Variants in IFFO2 observed in about 807,000 individuals in gnomAD.
IFFO2 encodes intermediate filament family orphan 2.
In IFFO2, 19 loss-of-function variants were observed where a neutral mutation model predicts 53.5. The ratio of observed to expected loss-of-function variants is 0.36; its 90% CI spans 0.25 to 0.52. The LOEUF is 0.52. IFFO2 is among the 20% of genes least tolerant of loss of function. The probability of loss-of-function intolerance (pLI) is 0.94; values close to 1 mark genes in which losing one functional copy is unlikely to be tolerated. For missense variants in IFFO2, 570 were observed against 727.4 expected (o/e 0.78, Z 2.49); for synonymous variants, 303 against 313.6 (o/e 0.97, Z 0.36).
intron 1 of IFFO2, among the ~76,000 whole-genome samples, chr1:18,944,050 G>C (rs907375941): frequency 1.3e-5 from 2 of 152,218 alleles, no homozygotes; most frequent in African/African-American, 4.8e-5. Flanking sequence ...GGAGGGGACA[G>C]GGTGAAAATA....
chr1:18,928,011 C>T lies in IFFO2; in HGVS notation c.666-6890G>A, dbSNP rs995389857. ...CTGGGAATACAATGTGGAAATCCCG[C>T]CACCACTGCTAACACAGGGCTCACC... is the stretch of plus-strand genomic sequence containing the variant. On this transcript the variant is annotated intron_variant, in intron 1 of 8. Transcript: ENST00000455833. The surrounding 1 kb of genome is among the most constrained non-coding windows in gnomAD (Gnocchi z 4.9). Among the ~76,000 whole-genome samples, 1 of 152,242 alleles carries T rather than the reference C, an allele frequency of 6.6e-6. No homozygotes were observed. Among genetic ancestry groups the T allele is most frequent in the Non-Finnish European group, 1.5e-5 (1 of 68,032 alleles).
At chr1:18,929,078 G>A (rs796269970) in intron 1 of IFFO2, among the ~76,000 whole-genome samples, 2 of 152,292 alleles carry the variant, frequency 1.3e-5, no homozygotes, top group African/African-American at 4.8e-5. Flanking sequence ...CACGAGCCCC[G>A]CAGGCCTTAG....
chr1:18,912,211 T>C, intron 5 of IFFO2, 128 bp from the exon 6 acceptor site: 2 of 1,119,728 alleles, frequency 1.8e-6, no homozygotes, highest in Non-Finnish European at 2.5e-6. Context: ...AAGACAGGGG[T>C]AGTAAGCCAA....
At chr1:18,913,294 G>A (rs1181912046) in intron 5 of IFFO2, among the ~76,000 whole-genome samples, 2 of 152,260 alleles carry the variant, frequency 1.3e-5, no homozygotes, top group African/African-American at 4.8e-5. Flanking sequence ...CCAGGGTCCT[G>A]AGCTGGTAGG....
rs938838373 is a variant in IFFO2 at position 18,928,607 on chromosome 1, C to T, written c.666-7486G>A. 1.4e-4 allele frequency among the ~76,000 whole-genome samples: 21 copies of T among 152,164 alleles called. No individual in the cohort carries two copies. The highest frequency in any genetic ancestry group is 3.6e-4 in the African/African-American group (15 of 41,426). On this transcript the variant is annotated intron_variant, in intron 1 of 8. Transcript: ENST00000455833. The surrounding 1 kb of genome is among the most constrained non-coding windows in gnomAD (Gnocchi z 4.9). ...CAGGGATCCCAGCGTGCCAGGTCTG[C>T]GCAAGGCTGCTCAGGGGAGAGGCAG... is the stretch of plus-strand genomic sequence containing the variant.
chr1:18,940,183 G>A lies in IFFO2; in HGVS notation c.665+15485C>T, dbSNP rs952236945. Among the ~76,000 whole-genome samples, 7 of 152,282 alleles carry A rather than the reference G, an allele frequency of 4.6e-5. No individual in the cohort carries two copies. In the East Asian group the frequency reaches 5.8e-4, roughly 13 times the overall value. On this transcript the variant is annotated intron_variant, in intron 1 of 8. Transcript: ENST00000455833. ...AGAACAGAGGCTGCCAGCAACTCCC[G>A]AAAAGCCAAGAACCCATGAAAACAG... is the stretch of plus-strand genomic sequence containing the variant.
At position 18,956,194 on chromosome 1, in the gene IFFO2, G is replaced by C; in HGVS notation, c.139C>G (p.Arg47Gly). The change falls in exon 1 of 9, where the codon CGG becomes GGG. Residue 47 changes from arginine to glycine, a missense_variant. Coordinates refer to ENST00000455833, the MANE Select transcript of IFFO2 (RefSeq NM_001136265.2). This position sits in a 1 kb window ranked among gnomAD's most constrained non-coding sequence, Gnocchi z 6.4. ...PGPSPVTAAL[R>G]DDLGSNIHLL... is the part of the protein sequence containing the mutation. Reference sequence around the variant, plus strand: ...TGGATGTTGGAGCCCAGGTCGTCCCGCAGCGCCGCCGTCACCGGCGACGGA... The same window carrying C: ...TGGATGTTGGAGCCCAGGTCGTCCCCCAGCGCCGCCGTCACCGGCGACGGA... The C allele has an allele frequency of 7.0e-7, 1 of 1,438,796 alleles. No homozygotes were observed. The allele number at this position is 1,438,796 out of a possible 1,614,324, so 89.1% of individuals were successfully genotyped here.
chr1:18,920,962 G>T, intron 2 of IFFO2, 99 bp downstream of exon 2: 2 of 1,012,046 alleles, frequency 2.0e-6, no homozygotes, highest in Non-Finnish European at 3.0e-6. Flanking sequence ...AGTAGGGGCT[G>T]TGCAAGAATT....
intron 6 of IFFO2, 135 bp from the exon 7 acceptor site, chr1:18,911,611 T>G (rs1017877994): frequency 1.5e-5 from 6 of 410,818 alleles, no homozygotes; most frequent in African/African-American, 1.2e-4. Flanking sequence ...TGATCTCGGC[T>G]CACTACAACC....
intron 1 of IFFO2, among the ~76,000 whole-genome samples, chr1:18,932,677 C>T (rs144799791): frequency 6.6e-6 from 1 of 152,364 alleles, no homozygotes; most frequent in Admixed American, 6.5e-5. Flanking sequence ...TCATGGAACA[C>T]GGCCTTTCTG....
chr1:18,933,443 G>GT (rs1393083948), intron 1 of IFFO2, among the ~76,000 whole-genome samples: 1 of 152,228 alleles, frequency 6.6e-6, no homozygotes, highest in Admixed American at 6.5e-5. Context: ...GGATTATGGG[G>GT]TAGAACTGTC....
intron 1 of IFFO2, among the ~76,000 whole-genome samples, chr1:18,943,091 C>T (rs561184013): frequency 5.3e-5 from 8 of 152,188 alleles, no homozygotes; most frequent in Non-Finnish European, 1.0e-4. Context: ...ACTCAGCCAG[C>T]CATGGTGGCT....
At chr1:18,909,297 C>T (rs1935998447) in intron 8 of IFFO2, among the ~76,000 whole-genome samples, 1 of 152,168 alleles carries the variant, frequency 6.6e-6, no homozygotes, top group Admixed American at 6.5e-5. Context: ...TGCTGTGTGG[C>T]AGGCATTCTC....
rs1557640488 is a variant in IFFO2 at position 18,918,323 on chromosome 1, A to AG, written c.963+38dup. On this transcript the variant is annotated intron_variant, in intron 4 of 8. Transcript: ENST00000455833. The surrounding 1 kb of genome is among the most constrained non-coding windows in gnomAD (Gnocchi z 5.2). ...GTGGAGGCCAGGGCTGCTCTGGGAG[A>AG]GTGGGGGGTTGGCTGGTGAGCAGGG... 1 of 1,536,930 alleles carries AG rather than the reference A, an allele frequency of 6.5e-7. No homozygotes were observed. The highest frequency in any genetic ancestry group is 8.8e-7 in the Non-Finnish European group (1 of 1,135,626).
intron 1 of IFFO2, among the ~76,000 whole-genome samples, chr1:18,937,654 C>G (rs1936466815): frequency 6.6e-6 from 1 of 152,220 alleles, no homozygotes; most frequent in Non-Finnish European, 1.5e-5. Context: ...TTGTCATCTC[C>G]TCACCCTCAT....
At chr1:18,932,136 G>A (rs890314263) in intron 1 of IFFO2, among the ~76,000 whole-genome samples, 12 of 152,204 alleles carry the variant, frequency 7.9e-5, no homozygotes, top group Admixed American at 2.0e-4. Context: ...TCCCGGGCAA[G>A]TGATTTCCAA....
intron 1 of IFFO2, among the ~76,000 whole-genome samples, chr1:18,941,271 G>C (rs938602081): frequency 1.3e-5 from 2 of 152,232 alleles, no homozygotes; most frequent in Admixed American, 6.5e-5. Context: ...TTCTTGGAGG[G>C]GCTGAGCGCA....
At chr1:18,954,640 C>A (rs1378982675) in intron 1 of IFFO2, among the ~76,000 whole-genome samples, 3 of 152,254 alleles carry the variant, frequency 2.0e-5, no homozygotes, top group Non-Finnish European at 4.4e-5. Context: ...AAAGACAGAC[C>A]CTTCTTCTCT....
chr1:18,920,827 T>C (rs980806379), intron 2 of IFFO2, among the ~76,000 whole-genome samples: 4 of 152,208 alleles, frequency 2.6e-5, no homozygotes, highest in Admixed American at 6.5e-5. Flanking sequence ...GACCCAGGCT[T>C]CTCAACCCCT....
Sources: gnomAD v4.1 joint callset for allele counts (sites outside exome capture counted in the v4.1 genomes callset) on GRCh38, gnomAD v4.1.1 for gene constraint, Gnocchi (gnomAD v3.1) non-coding constraint, MANE v1.5 for transcripts, NCBI Gene and HGNC (gene_info 2026-07-23, HGNC 2026-07-21) for gene names.